ATP8A2: variants seen among roughly 807,000 people sequenced by gnomAD.
The protein encoded by ATP8A2 is phospholipid-transporting ATPase IB.
ATP8A2 carries 100 observed loss-of-function variants against 165.6 expected under a neutral mutation model. The ratio of observed to expected loss-of-function variants is 0.60; its 90% confidence interval spans 0.51 to 0.71. The LOEUF (loss-of-function observed/expected upper bound fraction) is 0.71. Among genes scored for constraint, ATP8A2 ranks in the 30% least tolerant of loss-of-function variants. The probability of loss-of-function intolerance (pLI) is 0.00; values close to 1 mark genes in which losing one functional copy is unlikely to be tolerated. For missense variants in ATP8A2, 1,227 were observed against 1,479.5 expected, an observed-to-expected ratio of 0.83 and a Z score of 2.80; for synonymous variants, 543 against 548.8, an observed-to-expected ratio of 0.99 and a Z score of 0.15.
chr13:25,710,001 G>A (rs2043128252), intron 25 of ATP8A2, among the ~76,000 whole-genome samples: 1 of 152,120 alleles, frequency 6.6e-6, no homozygotes, highest in Non-Finnish European at 1.5e-5. Flanking sequence ...ACTCATCGCT[G>A]GGTGTCTTGC....
intron 33 of ATP8A2, among the ~76,000 whole-genome samples, chr13:25,878,899 C>T (rs1357963578): frequency 1.3e-5 from 2 of 152,144 alleles, no homozygotes; most frequent in African/African-American, 4.8e-5. Flanking sequence ...CTCCCTCATC[C>T]CTCACATCCA....
At chr13:25,772,431 A>T (rs1184272013) in intron 26 of ATP8A2, among the ~76,000 whole-genome samples, 2 of 151,994 alleles carry the variant, frequency 1.3e-5, no homozygotes, top group African/African-American at 4.8e-5. Flanking sequence ...TTAGCTAGTT[A>T]TTTTATGATT....
intron 2 of ATP8A2, among the ~76,000 whole-genome samples, chr13:25,529,308 T>C (rs1374465418): frequency 6.6e-6 from 1 of 152,194 alleles, no homozygotes; most frequent in Non-Finnish European, 1.5e-5. Context: ...CTATCTGCTA[T>C]GTGCTAGGAA....
Position 25,953,184 on chromosome 13 carries a change from T to C in ATP8A2, c.3184-8391T>C, listed in dbSNP as rs1955418322. Among the ~76,000 whole-genome samples the C allele has an allele frequency of 6.6e-6, 1 of 152,186 alleles. No homozygotes were observed. Among genetic ancestry groups the C allele is most frequent in the South Asian group, 2.1e-4 (1 of 4,826 alleles). ...GTCCCCTCCTGTGTTTCTTTTCGTCTTTTAACTTTACAAGTGCTCCTCATT... is the reference window on the plus strand; with the variant it reads ...GTCCCCTCCTGTGTTTCTTTTCGTCCTTTAACTTTACAAGTGCTCCTCATT... On this transcript the variant is annotated intron_variant, in intron 33 of 36. Coordinates refer to ENST00000381655, the MANE Select transcript of ATP8A2 (RefSeq NM_016529.6). The surrounding 1 kb of genome is among the most constrained non-coding windows in gnomAD (Gnocchi z 6.7).
At chr13:25,624,909 T>A (rs2041064331) in intron 24 of ATP8A2, among the ~76,000 whole-genome samples, 1 of 152,220 alleles carries the variant, frequency 6.6e-6, no homozygotes, top group African/African-American at 2.4e-5. Flanking sequence ...TTGCTTCTGA[T>A]ATATTTGAAT....
chr13:25,467,298 G>A (rs925858718), intron 1 of ATP8A2, among the ~76,000 whole-genome samples: 1 of 152,192 alleles, frequency 6.6e-6, no homozygotes, highest in Admixed American at 6.5e-5. Context: ...GCACCCACTA[G>A]GCGTCCCCAT....
intron 25 of ATP8A2, among the ~76,000 whole-genome samples, chr13:25,765,843 A>T (rs1325141469): frequency 6.6e-6 from 1 of 152,104 alleles, no homozygotes; most frequent in African/African-American, 2.4e-5. Flanking sequence ...CAAAAAACCA[A>T]CAACTTTAAC....
intron 24 of ATP8A2, among the ~76,000 whole-genome samples, chr13:25,690,814 G>A (rs1350478006): frequency 2.0e-5 from 3 of 152,126 alleles, no homozygotes; most frequent in South Asian, 4.1e-4. Context: ...GTGCCTGTAT[G>A]TGTGGTATGA....
At chr13:25,867,479 G>A (rs1384479132) in intron 33 of ATP8A2, among the ~76,000 whole-genome samples, 1 of 152,180 alleles carries the variant, frequency 6.6e-6, no homozygotes, top group Admixed American at 6.5e-5. Context: ...GAGGATGGGA[G>A]CTTAACGGTA....
chr13:25,544,365 G>A (rs1022999788), intron 10 of ATP8A2, among the ~76,000 whole-genome samples: 1 of 152,220 alleles, frequency 6.6e-6, no homozygotes, highest in African/African-American at 2.4e-5. Flanking sequence ...TTTAGATATC[G>A]AGCTAGGGAA....
At chr13:25,882,999 C>A (rs1953031600) in intron 33 of ATP8A2, among the ~76,000 whole-genome samples, 1 of 151,920 alleles carries the variant, frequency 6.6e-6, no homozygotes, top group Non-Finnish European at 1.5e-5. Flanking sequence ...AAGCTGGGCA[C>A]TTTATTCAAG....
At chr13:25,646,529 G>A (rs956607181) in intron 24 of ATP8A2, among the ~76,000 whole-genome samples, 8 of 151,686 alleles carry the variant, frequency 5.3e-5, no homozygotes, top group Middle Eastern at 3.4e-3. Flanking sequence ...GGTGGTGGGC[G>A]CCTGTAATCC....
At chr13:25,655,908 G>A (rs2041917216) in intron 24 of ATP8A2, among the ~76,000 whole-genome samples, 1 of 152,158 alleles carries the variant, frequency 6.6e-6, no homozygotes, top group South Asian at 2.1e-4. Context: ...TGGAGTTCAG[G>A]TCACTTTGCC....
intron 35 of ATP8A2, among the ~76,000 whole-genome samples, chr13:25,976,388 C>T (rs1956037456): frequency 6.6e-6 from 1 of 152,100 alleles, no homozygotes; most frequent in Admixed American, 6.5e-5. Context: ...TCAGTGTCAC[C>T]CAACTAAAGA....
intron 35 of ATP8A2, among the ~76,000 whole-genome samples, chr13:25,997,634 A>G (rs1432353834): frequency 6.6e-6 from 1 of 151,874 alleles, no homozygotes; most frequent in African/African-American, 2.4e-5. Flanking sequence ...TTTTGTCTCT[A>G]TTACTCAGAC....
chr13:25,901,522 G>A (rs1953746751), intron 33 of ATP8A2, among the ~76,000 whole-genome samples: 1 of 151,380 alleles, frequency 6.6e-6, no homozygotes, highest in Non-Finnish European at 1.5e-5. Context: ...AATTTAAATT[G>A]TGATTTTTAA....
intron 1 of ATP8A2, among the ~76,000 whole-genome samples, chr13:25,436,409 G>C (rs1355705321): frequency 6.6e-6 from 1 of 152,136 alleles, no homozygotes; most frequent in Non-Finnish European, 1.5e-5. Flanking sequence ...AGGGCCTCCA[G>C]CTACATCCAT....
chr13:25,819,478 C>A lies in ATP8A2; in HGVS notation c.2680-8640C>A, dbSNP rs1165572520. ...ATAATAGCATTTCTGATCTTTTTCCCTTGATTTCCTGCCTACTTACCTATT... is the reference window on the plus strand; with the variant it reads ...ATAATAGCATTTCTGATCTTTTTCCATTGATTTCCTGCCTACTTACCTATT... On this transcript the variant is annotated intron_variant, in intron 27 of 36. Transcript: ENST00000381655. 2.0e-5 allele frequency among the ~76,000 whole-genome samples: 3 copies of A among 152,090 alleles called. No individual in the cohort carries two copies. The East Asian group carries it at 5.8e-4, about 29-fold the overall frequency.
Position 26,024,877 on chromosome 13 carries a change from G to A in ATP8A2, c.*4892G>A, listed in dbSNP as rs1176333168. ...TGATTTATGACAGAAAGAGGAAGAA[G>A]AAAGTTGGAGTAATAGCACTATCCA... is the stretch of plus-strand genomic sequence containing the variant. On this transcript the variant is annotated 3_prime_UTR_variant, in exon 37 of 37. Transcript: ENST00000381655. The A allele has an allele frequency of 6.6e-6, 1 of 152,100 alleles. No homozygotes were observed. Among genetic ancestry groups the A allele is most frequent in the African/African-American group, 2.4e-5 (1 of 41,382 alleles). 9.4% of individuals were successfully genotyped at this position (152,100 alleles called of 1,614,324 possible).
Sources: gnomAD v4.1 joint callset for allele counts (sites outside exome capture counted in the v4.1 genomes callset) on GRCh38, gnomAD v4.1.1 for gene constraint, Gnocchi (gnomAD v3.1) non-coding constraint, MANE v1.5 for transcripts, NCBI Gene and HGNC (gene_info 2026-07-23, HGNC 2026-07-21) for gene names.